The following DIAPH3 variants were observed in gnomAD, a reference collection of about 807,000 sequenced individuals.
The protein encoded by DIAPH3 is diaphanous related formin 3.
In DIAPH3, 117 loss-of-function variants were observed where a neutral mutation model predicts 144.3. That is an observed-to-expected ratio of 0.81 (90% confidence interval 0.70 to 0.95). The LOEUF (loss-of-function observed/expected upper bound fraction) is 0.95. Among genes scored for constraint, DIAPH3 ranks in the 40% least tolerant of loss-of-function variants. DIAPH3 has a pLI of 0.00. For synonymous variants in DIAPH3, 519 were observed against 488.9 expected, an observed-to-expected ratio of 1.06 and a Z score of -0.81; for missense variants, 1,421 against 1,412.7, an observed-to-expected ratio of 1.01 and a Z score of -0.09.
intron 27 of DIAPH3, among the ~76,000 whole-genome samples, chr13:59,762,999 C>T (rs2037681739): frequency 6.6e-6 from 1 of 152,124 alleles, no homozygotes. Flanking sequence ...CAATCTTGAA[C>T]TTCCCAGCCT....
intron 5 of DIAPH3, among the ~76,000 whole-genome samples, chr13:60,024,233 G>C (rs768633684): frequency 6.6e-6 from 1 of 151,990 alleles, no homozygotes; most frequent in Non-Finnish European, 1.5e-5. Flanking sequence ...AAGAATGTTA[G>C]ATCTTTGGTT....
chr13:59,694,211 T>C (rs1339100736), intron 27 of DIAPH3, among the ~76,000 whole-genome samples: 1 of 152,130 alleles, frequency 6.6e-6, no homozygotes, highest in Non-Finnish European at 1.5e-5. Context: ...AGGAGACTGG[T>C]AAAAACTCAG....
chr13:59,778,833 A>G (rs960267396), intron 25 of DIAPH3, among the ~76,000 whole-genome samples: 2 of 152,236 alleles, frequency 1.3e-5, no homozygotes, highest in Non-Finnish European at 2.9e-5. Flanking sequence ...AGTAAGTCCT[A>G]CAGCAGAAAT....
At chr13:59,784,851 GCACA>G (rs144477527) in intron 25 of DIAPH3, among the ~76,000 whole-genome samples, 1 of 148,572 alleles carries the variant, frequency 6.7e-6, no homozygotes, top group Non-Finnish European at 1.5e-5. Flanking sequence ...ACACACGCGC[GCACA>G]CACACACACA....
intron 17 of DIAPH3, among the ~76,000 whole-genome samples, chr13:59,946,034 A>G (rs1413278512): frequency 6.6e-6 from 1 of 152,208 alleles, no homozygotes; most frequent in African/African-American, 2.4e-5. Flanking sequence ...GACATAAAAA[A>G]TAAGAAAATA....
intron 25 of DIAPH3, among the ~76,000 whole-genome samples, chr13:59,796,511 ATATAT>A (rs1286714165): frequency 6.6e-6 from 1 of 152,224 alleles, no homozygotes; most frequent in Non-Finnish European, 1.5e-5. Context: ...TGTTCTACAA[ATATAT>A]TAAGTACCTT....
At chr13:59,921,876 T>C (rs1187368085) in intron 18 of DIAPH3, among the ~76,000 whole-genome samples, 1 of 151,968 alleles carries the variant, frequency 6.6e-6, no homozygotes, top group Non-Finnish European at 1.5e-5. Context: ...TGGGATTCAT[T>C]CCAGAGATGC....
intron 1 of DIAPH3, among the ~76,000 whole-genome samples, chr13:60,133,435 T>C (rs1226429627): frequency 6.6e-6 from 1 of 152,132 alleles, no homozygotes; most frequent in Admixed American, 6.5e-5. Flanking sequence ...AGTGAAACTT[T>C]AAATTTACCA....
At chr13:59,694,505 A>G (rs938682182) in intron 27 of DIAPH3, among the ~76,000 whole-genome samples, 1 of 152,162 alleles carries the variant, frequency 6.6e-6, no homozygotes, top group Non-Finnish European at 1.5e-5. Flanking sequence ...GGGTACTTCA[A>G]CAACTTAAGA....
rs911691840 is a variant in DIAPH3, at chr13:59,992,327, C to T, written c.1126-141G>A. ...TTAAAGTGTTAAATAACACTCGAAT[C>T]TTATCATCTATATTTCAAAAATAGA... On this transcript the variant is annotated intron_variant, in intron 10 of 27. Transcript: ENST00000400324. The T allele has an allele frequency of 5.0e-6, 5 of 1,006,330 alleles. No homozygotes were observed. In the African/African-American group the frequency reaches 8.2e-5, roughly 16 times the overall value. The allele number at this position is 1,006,330 out of a possible 1,614,324, so 62.3% of individuals were successfully genotyped here.
intron 1 of DIAPH3, among the ~76,000 whole-genome samples, chr13:60,136,816 T>C (rs1566812836): frequency 2.0e-5 from 3 of 151,898 alleles, no homozygotes; most frequent in East Asian, 1.9e-4. Context: ...GGCGGGTGCC[T>C]GCAGTCCCAG....
rs1471831559 is a variant in DIAPH3 at position 60,133,014 on chromosome 13, T to C, written c.181-25A>G. 7 of 1,552,596 alleles carry C rather than the reference T, an allele frequency of 4.5e-6. No homozygotes were observed. In the African/African-American group the frequency reaches 8.2e-5, roughly 18 times the overall value. On this transcript the variant is annotated intron_variant, in intron 1 of 27. Coordinates refer to ENST00000400324, the MANE Select transcript of DIAPH3 (RefSeq NM_001042517.2). ...GCTGCAAATTAAAAAAAAGCAATCA[T>C]ATTAGTAATTTATAACAGCTTCTTT...
At chr13:59,694,248 C>T (rs2033679421) in intron 27 of DIAPH3, among the ~76,000 whole-genome samples, 1 of 152,080 alleles carries the variant, frequency 6.6e-6, no homozygotes, top group South Asian at 2.1e-4. Context: ...CCAACCATCA[C>T]AGGATACTCA....
intron 23 of DIAPH3, chr13:59,839,095 A>T (rs1325350416): frequency 6.2e-5 from 25 of 405,784 alleles, no homozygotes; most frequent in East Asian, 1.2e-4. Context: ...TGGGTTTCAA[A>T]AAATAAATAA....
In DIAPH3 at chr13:59,971,003, C is replaced by G; in HGVS notation, c.1808G>C (p.Arg603Pro). The change falls in exon 16 of 28, where the codon CGG becomes CCG. Residue 603 changes from arginine to proline, a missense_variant. Physicochemically the swap from Arg to Pro is moderately radical, Grantham distance 103 (BLOSUM62 -2). Coordinates refer to ENST00000400324, the MANE Select transcript of DIAPH3 (RefSeq NM_001042517.2). The stretch of plus-strand genomic sequence containing the variant: ...AGGCACAGGACCACTGAATGGCATC[C>G]GCATTCCTGGAAGTGGAGGAGGTGG... The part of the protein sequence containing the change: ...PPPPPPLPGM[R>P]MPFSGPVPPP... The G allele has an allele frequency of 6.2e-7, 1 of 1,613,576 alleles. No homozygotes were observed. The highest frequency in any genetic ancestry group is 8.5e-7 in the Non-Finnish European group (1 of 1,179,858).
rs1345155839 is a variant in DIAPH3 at position 59,969,984 on chromosome 13, C to A, written c.2034G>T (p.Leu678Phe). 1.2e-6 allele frequency: 2 copies of A among 1,609,764 alleles called. No individual in the cohort carries two copies. Among genetic ancestry groups the A allele is most frequent in the African/African-American group, 1.3e-5 (1 of 74,894 alleles). The change falls in exon 17 of 28, where the codon TTG becomes TTT. Residue 678 changes from leucine (L) to phenylalanine (F), a missense_variant. Leu to Phe is a conservative substitution (Grantham distance 22). Coordinates refer to ENST00000400324, the MANE Select transcript of DIAPH3 (RefSeq NM_001042517.2). ...VNENKYENVD[L>F]LCKLENTFCC... ...AAAATGTATTCTCAAGTTTACAAAG[C>A]AAATCCACGTTTTCATACTTATTTT...
Position 59,833,225 on chromosome 13 carries a change from A to G in DIAPH3, c.2909T>C (p.Leu970Ser). The G allele has an allele frequency of 6.2e-7, 1 of 1,609,908 alleles. No homozygotes were observed. Among genetic ancestry groups the G allele is most frequent in the Non-Finnish European group, 8.5e-7 (1 of 1,177,548 alleles). Residue 970 changes from leucine to serine, a missense_variant, in exon 24 of 28, where the codon TTA (leucine) becomes TCA (serine). Coordinates refer to ENST00000400324, the MANE Select transcript of DIAPH3 (RefSeq NM_001042517.2). ...GTATAACTTTTCCATGTTTTCGTGT[A>G]ACTTCGAAAGTGTCTCATATTGTTC... ...AKEQYETLSK[L>S]HENMEKLYQS... is the part of the protein sequence containing the mutation.
intron 24 of DIAPH3, among the ~76,000 whole-genome samples, chr13:59,812,884 C>T (rs1384174561): frequency 6.6e-6 from 1 of 152,132 alleles, no homozygotes; most frequent in Admixed American, 6.5e-5. Context: ...ACCAACCAAG[C>T]ACCTTTGTTT....
At chr13:59,889,696 A>G (rs1418643007) in intron 20 of DIAPH3, among the ~76,000 whole-genome samples, 1 of 152,070 alleles carries the variant, frequency 6.6e-6, no homozygotes, top group African/African-American at 2.4e-5. Context: ...ACTTACTTAC[A>G]TATAACCACT....
Sources: allele counts gnomAD v4.1 joint callset (sites outside exome capture counted in the v4.1 genomes callset), GRCh38; gene constraint gnomAD v4.1.1; transcripts MANE v1.5; gene names NCBI Gene and HGNC (gene_info 2026-07-23, HGNC 2026-07-21).